Variants in CDHR3 observed in about 807,000 individuals in gnomAD.
CDHR3 encodes cadherin-related family member 3.
Under a neutral mutation model 86.6 loss-of-function variants are expected in CDHR3, and 79 were observed. The observed-to-expected ratio is 0.91, with a 90% CI of 0.76 to 1.10. CDHR3 has a LOEUF of 1.10. Among genes scored for constraint, CDHR3 ranks in the 50% least tolerant of loss-of-function variants. The pLI, the probability that CDHR3 is intolerant of heterozygous loss-of-function variation, is 0.00. For missense variants in CDHR3, 1,081 were observed against 1,077.6 expected (o/e 1.00, Z -0.04); for synonymous variants, 421 against 402.4 (o/e 1.05, Z -0.55).
chr7:105,967,662 T>C (rs1827191266), intron 1 of CDHR3, among the ~76,000 whole-genome samples: 1 of 152,204 alleles, frequency 6.6e-6, no homozygotes, highest in African/African-American at 2.4e-5. Context: ...TGGTGTAAGA[T>C]GGTATCTCAT....
intron 8 of CDHR3, among the ~76,000 whole-genome samples, chr7:106,010,080 T>A (rs1834564930): frequency 6.6e-6 from 1 of 152,204 alleles, no homozygotes; most frequent in Non-Finnish European, 1.5e-5. Context: ...AGGCCTCTGT[T>A]GGAGTGCCTG....
At chr7:105,970,274 T>A (rs1276448723) in intron 1 of CDHR3, among the ~76,000 whole-genome samples, 1 of 152,178 alleles carries the variant, frequency 6.6e-6, no homozygotes, top group Non-Finnish European at 1.5e-5. Flanking sequence ...GTGGAAGGCT[T>A]AATTATCCCA....
At chr7:105,965,570 C>CCT (rs917738091) in intron 1 of CDHR3, among the ~76,000 whole-genome samples, 1 of 110,826 alleles carries the variant, frequency 9.0e-6, no homozygotes, top group Admixed American at 1.0e-4. Flanking sequence ...AAGCCCCACC[C>CCT]CCCCCCATGG....
chr7:106,000,368 C>CT (rs1832950723), intron 6 of CDHR3, among the ~76,000 whole-genome samples: 1 of 152,226 alleles, frequency 6.6e-6, no homozygotes, highest in Admixed American at 6.5e-5. Flanking sequence ...CTGCCCCTGA[C>CT]TTAGCTATTG....
intron 9 of CDHR3, among the ~76,000 whole-genome samples, chr7:106,014,784 T>C (rs868780387): frequency 4.7e-4 from 72 of 152,360 alleles, no homozygotes; most frequent in Middle Eastern, 6.8e-3. Context: ...GGGACTACTA[T>C]AATGAAACAG....
Position 105,989,513 on chromosome 7 carries a change from G to A in CDHR3, c.513+5224G>A, listed in dbSNP as rs540969028. The stretch of plus-strand genomic sequence containing the variant: ...GCAGACAAAGGATTAAATTAAGAGA[G>A]CAATAACCTAGCTACTACCTGGACT... On this transcript the variant is annotated intron_variant, in intron 4 of 18. Transcript: ENST00000317716. Among the ~76,000 whole-genome samples, 3 of 152,166 alleles carry A rather than the reference G, an allele frequency of 2.0e-5. No individual in the cohort carries two copies. The East Asian group carries it at 5.8e-4, about 30-fold the overall frequency.
chr7:106,029,654 C>T (rs968728981), intron 17 of CDHR3, among the ~76,000 whole-genome samples: 18 of 152,006 alleles, frequency 1.2e-4, no homozygotes, highest in African/African-American at 2.4e-5. Flanking sequence ...CTCTTCCCTA[C>T]CCCCACGAAT....
In CDHR3 at chr7:106,015,132, G is replaced by A. The variant is rs372371724; in HGVS notation, c.1246G>A (p.Glu416Lys). 29 of 1,608,708 alleles carry A rather than the reference G, an allele frequency of 1.8e-5. No individual in the cohort carries two copies. The highest frequency in any genetic ancestry group is 1.7e-4 in the Admixed American group (10 of 59,438). The change falls in exon 10 of 19, where the codon GAA (glutamate) becomes AAA (lysine). Residue 416 changes from glutamate (E) to lysine (K), a missense_variant. Transcript: ENST00000317716. ...KIVLIGDLDY[E>K]NPSNLAAGNK... ...CTAGCTGATTGGTGATCTAGACTAC[G>A]AAAATCCAAGTAACCTAGCAGCCGG... is the stretch of plus-strand genomic sequence containing the variant.
At chr7:106,002,920 G>T (rs1833415463) in intron 7 of CDHR3, among the ~76,000 whole-genome samples, 1 of 152,102 alleles carries the variant, frequency 6.6e-6, no homozygotes, top group Admixed American at 6.5e-5. Flanking sequence ...GATTGCTTGA[G>T]CCCAGGAGTT....
At chr7:106,005,642 T>C (rs554170989) in intron 8 of CDHR3, among the ~76,000 whole-genome samples, 3 of 152,190 alleles carry the variant, frequency 2.0e-5, no homozygotes, top group Non-Finnish European at 2.9e-5. Flanking sequence ...TTTGTAAGTT[T>C]TCTCCAGGCG....
chr7:105,997,113 C>G (rs944799775), intron 6 of CDHR3, among the ~76,000 whole-genome samples: 2 of 152,152 alleles, frequency 1.3e-5, no homozygotes, highest in Non-Finnish European at 2.9e-5. Flanking sequence ...GGCAAAATCA[C>G]CTTTAACAGC....
chr7:106,012,826 T>C (rs747834856), intron 8 of CDHR3, 34 bp from the exon 9 acceptor site: 2 of 1,558,786 alleles, frequency 1.3e-6, no homozygotes, highest in Non-Finnish European at 1.7e-6. Flanking sequence ...TTACCATTTA[T>C]TGGGGGAAAT....
intron 16 of CDHR3, chr7:106,028,292 A>C (rs1837685789): frequency 2.1e-6 from 1 of 478,420 alleles, no homozygotes; most frequent in Middle Eastern, 5.1e-4. Flanking sequence ...AGGTCCACTG[A>C]TAATAAGCTA....
At chr7:106,021,909 C>A (rs367977112) in intron 13 of CDHR3, among the ~76,000 whole-genome samples, 1 of 152,220 alleles carries the variant, frequency 6.6e-6, no homozygotes, top group East Asian at 1.9e-4. Context: ...CTGCTTAATA[C>A]TCAGCAAGAT....
At position 106,031,547 on chromosome 7, in the gene CDHR3, C is replaced by T. The variant is rs534699488; in HGVS notation, c.2353+707C>T. ...GGTCCTCCTCCTAAGGAGGATGGCT[C>T]CTCTCCAGTGAGAGGCTGCCGCCGC... On this transcript the variant is annotated intron_variant, in intron 18 of 18. Transcript: ENST00000317716. Among the ~76,000 whole-genome samples, 7 of 152,350 alleles carry T rather than the reference C, an allele frequency of 4.6e-5. No homozygotes were observed. The East Asian group carries it at 1.3e-3, about 29-fold the overall frequency.
chr7:105,994,702 GGGTGGGCA>G, intron 4 of CDHR3, 41 bp from the exon 5 acceptor site: 1 of 1,239,592 alleles, frequency 8.1e-7, no homozygotes. Flanking sequence ...TTCTGGGGAA[GGGTGGGCA>G]GGTGGGCTGA....
At chr7:106,019,585 A>T (rs1268961021) in intron 12 of CDHR3, among the ~76,000 whole-genome samples, 1 of 152,204 alleles carries the variant, frequency 6.6e-6, no homozygotes, top group African/African-American at 2.4e-5. Flanking sequence ...CAGGGCTGAC[A>T]TTCTATGATT....
intron 2 of CDHR3, among the ~76,000 whole-genome samples, chr7:105,980,585 G>GTT (rs56057580): frequency 7.6e-5 from 8 of 105,532 alleles, no homozygotes; most frequent in African/African-American, 2.2e-4. Context: ...GTAGTGGAAG[G>GTT]TTTTTTTTTT....
chr7:106,012,454 T>C (rs1834958253), intron 8 of CDHR3, among the ~76,000 whole-genome samples: 1 of 151,988 alleles, frequency 6.6e-6, no homozygotes, highest in Non-Finnish European at 1.5e-5. Flanking sequence ...CAGAGCCTCA[T>C]GAAGAGCTCA....
Sources: gnomAD v4.1 joint callset for allele counts (sites outside exome capture counted in the v4.1 genomes callset) on GRCh38, gnomAD v4.1.1 for gene constraint, MANE v1.5 for transcripts, NCBI Gene and HGNC (gene_info 2026-07-23, HGNC 2026-07-21) for gene names.